Variants in GKAP1 observed in about 807,000 individuals in gnomAD.
The protein encoded by GKAP1 is G kinase anchoring protein 1.
In GKAP1, 31 loss-of-function variants were observed where a neutral mutation model predicts 56.7. The observed-to-expected ratio is 0.55, with a 90% CI of 0.41 to 0.74. The LOEUF is 0.74. Among genes scored for constraint, GKAP1 ranks in the 30% least tolerant of loss-of-function variants. The probability of loss-of-function intolerance (pLI) is 0.00; values close to 1 mark genes in which losing one functional copy is unlikely to be tolerated. For missense variants in GKAP1, 364 were observed against 402.3 expected (o/e 0.90, Z 0.82); for synonymous variants, 151 against 138.6 (o/e 1.09, Z -0.63).
intron 2 of GKAP1, among the ~76,000 whole-genome samples, chr9:83,809,195 A>T (rs1944476453): frequency 6.6e-6 from 1 of 152,360 alleles, no homozygotes; most frequent in African/African-American, 2.4e-5. Flanking sequence ...ATTCTGAAAC[A>T]TCTCTCCAAG....
At chr9:83,799,142 A>G in intron 4 of GKAP1, 43 bp downstream of exon 4, 1 of 1,576,154 alleles carries the variant, frequency 6.3e-7, no homozygotes, top group African/African-American at 1.3e-5. Context: ...AAAAATCCAT[A>G]AATTCAATGA....
intron 8 of GKAP1, among the ~76,000 whole-genome samples, chr9:83,756,397 G>A (rs1449719005): frequency 6.7e-6 from 1 of 149,776 alleles, no homozygotes; most frequent in Non-Finnish European, 1.5e-5. Context: ...CTTGAACCTG[G>A]AGGACGAAGG....
intron 1 of GKAP1, 150 bp downstream of exon 1, chr9:83,817,367 A>T (rs1390923156): frequency 6.6e-6 from 1 of 151,362 alleles, no homozygotes; most frequent in African/African-American, 2.4e-5. Context: ...CCCTCTGCCC[A>T]GCGGCTCCGG....
At chr9:83,789,124 A>G (rs79951553) in intron 4 of GKAP1, 2,571 of 152,532 alleles carry the variant, frequency 0.017, 65 homozygotes, top group African/African-American at 0.059. Context: ...CAGGTACAAA[A>G]TAAGTTTGCC....
chr9:83,794,167 C>T (rs1944206908), intron 4 of GKAP1, among the ~76,000 whole-genome samples: 4 of 151,696 alleles, frequency 2.6e-5, no homozygotes. Flanking sequence ...GACCCCATCT[C>T]AAAAAATATA....
intron 12 of GKAP1, among the ~76,000 whole-genome samples, chr9:83,739,994 G>A (rs554144474): frequency 5.3e-5 from 8 of 152,004 alleles, no homozygotes; most frequent in Non-Finnish European, 1.2e-4. Flanking sequence ...TAAGCTCACC[G>A]ATATCTTATT....
At chr9:83,803,258 C>A (rs534084768) in intron 3 of GKAP1, among the ~76,000 whole-genome samples, 214 of 132,866 alleles carry the variant, frequency 1.6e-3, no homozygotes, top group Non-Finnish European at 3.0e-3. Flanking sequence ...CTCTCCCTCT[C>A]GGTCTCCCTC....
chr9:83,763,342 T>C (rs1431444850), intron 8 of GKAP1, among the ~76,000 whole-genome samples: 1 of 152,104 alleles, frequency 6.6e-6, no homozygotes, highest in Non-Finnish European at 1.5e-5. Flanking sequence ...ACAAAAAAGT[T>C]AGAAAGAATG....
intron 7 of GKAP1, among the ~76,000 whole-genome samples, chr9:83,778,867 A>G (rs556102522): frequency 1.6e-3 from 206 of 126,234 alleles, no homozygotes; most frequent in Admixed American, 4.0e-3. Context: ...ATTTAACAAG[A>G]CAGAACACAG....
At chr9:83,804,396 G>T (rs1332083585) in intron 3 of GKAP1, among the ~76,000 whole-genome samples, 1 of 118,782 alleles carries the variant, frequency 8.4e-6, no homozygotes, top group East Asian at 2.6e-4. Context: ...GGAGGGAGGT[G>T]GGGGGGGTCA....
chr9:83,785,261 T>G (rs1025025158), intron 5 of GKAP1, among the ~76,000 whole-genome samples: 2 of 152,324 alleles, frequency 1.3e-5, no homozygotes, highest in African/African-American at 4.8e-5. Context: ...AATACATTTC[T>G]GACTACTGCT....
At chr9:83,781,460 T>C (rs532712233) in intron 6 of GKAP1, among the ~76,000 whole-genome samples, 1 of 152,372 alleles carries the variant, frequency 6.6e-6, no homozygotes, top group South Asian at 2.1e-4. Flanking sequence ...AGAAATTTTC[T>C]ATTCTCAAGG....
At position 83,742,604 on chromosome 9, in the gene GKAP1, A is replaced by G. The variant is rs753114948; in HGVS notation, c.905-4T>C. 1.2e-6 allele frequency: 2 copies of G among 1,607,628 alleles called. No homozygotes were observed. Among genetic ancestry groups the G allele is most frequent in the East Asian group, 4.5e-5 (2 of 44,776 alleles). ...AGTATTTCTGCCTTATCTTTCACTG[A>G]CAAAAAAGGAAAAACAGCAGTATAG... On this transcript the variant is annotated splice_polypyrimidine_tract_variant and splice_region_variant and intron_variant, in intron 10 of 12. Transcript: ENST00000376371.
intron 5 of GKAP1, among the ~76,000 whole-genome samples, chr9:83,786,344 A>G (rs1159663590): frequency 1.3e-5 from 2 of 152,052 alleles, no homozygotes; most frequent in Non-Finnish European, 2.9e-5. Context: ...GGAGTTCAAG[A>G]CTAGCCTGAC....
Position 83,739,841 on chromosome 9 carries a change from G to A in GKAP1, c.1054-97C>T, listed in dbSNP as rs1051399456. 2.2e-5 allele frequency: 19 copies of A among 866,768 alleles called. No individual in the cohort carries two copies. In the Middle Eastern group the frequency reaches 7.4e-4, roughly 34 times the overall value. The allele number at this position is 866,768 out of a possible 1,614,324, so 53.7% of individuals were successfully genotyped here. A position where few individuals can be genotyped will look rare whatever the true frequency, so the allele number is the denominator to read the frequency against. On this transcript the variant is annotated intron_variant, in intron 12 of 12. Transcript: ENST00000376371. ...ATAGACCAAAGGCATCTTGGGGTATGAGAAGGAAGCAATTTCTTTTTTGAT... is the reference window on the plus strand; with the variant it reads ...ATAGACCAAAGGCATCTTGGGGTATAAGAAGGAAGCAATTTCTTTTTTGAT...
intron 8 of GKAP1, among the ~76,000 whole-genome samples, chr9:83,757,174 T>C (rs2131249419): frequency 6.6e-6 from 1 of 152,180 alleles, no homozygotes; most frequent in East Asian, 1.9e-4. Flanking sequence ...GCTGGGGCAG[T>C]GAGAGAGAGC....
Position 83,793,055 on chromosome 9 carries a change from C to T in GKAP1, c.361-4377G>A, listed in dbSNP as rs572889288. On this transcript the variant is annotated intron_variant, in intron 4 of 12. Coordinates refer to ENST00000376371, the MANE Select transcript of GKAP1 (RefSeq NM_025211.4). The stretch of plus-strand genomic sequence containing the variant: ...CATTTTTTCTTCTATTTAAGCAAAC[C>T]TATAGCTCAATCAGTTAAAGAGTAT... 4 of 1,090,100 alleles carry T rather than the reference C, an allele frequency of 3.7e-6. No individual in the cohort carries two copies. In the South Asian group the frequency reaches 4.1e-5, roughly 11 times the overall value. The allele number at this position is 1,090,100 out of a possible 1,614,324, so 67.5% of individuals were successfully genotyped here.
intron 2 of GKAP1, among the ~76,000 whole-genome samples, chr9:83,816,071 C>G (rs1342643935): frequency 3.3e-5 from 5 of 149,326 alleles, no homozygotes; most frequent in African/African-American, 1.2e-4. Flanking sequence ...CGCCTGTAAT[C>G]CCAGCTACTC....
intron 4 of GKAP1, 143 bp from the exon 5 acceptor site, chr9:83,788,821 C>T (rs1261874931): frequency 4.2e-6 from 2 of 473,916 alleles, no homozygotes; most frequent in Non-Finnish European, 7.4e-6. Flanking sequence ...TCTAACCATG[C>T]CAAACTAGGA....
Sources: gnomAD v4.1 joint callset for allele counts (sites outside exome capture counted in the v4.1 genomes callset) on GRCh38, gnomAD v4.1.1 for gene constraint, MANE v1.5 for transcripts, NCBI Gene and HGNC (gene_info 2026-07-23, HGNC 2026-07-21) for gene names.